ASCC1: variants seen among roughly 807,000 people sequenced by gnomAD.
ASCC1 encodes the protein ASC-1 complex subunit P50.
In ASCC1, 35 loss-of-function variants were observed where a neutral mutation model predicts 46.6. The observed-to-expected ratio is 0.75, with a 90% CI of 0.57 to 0.99. ASCC1 has a LOEUF of 0.99. Ranked by LOEUF, ASCC1 falls within the 50% of genes least tolerant of loss-of-function variation. The pLI is 0.00. For missense variants in ASCC1, 376 were observed against 428.7 expected (o/e 0.88, Z 1.09); for synonymous variants, 143 against 146.6 (o/e 0.98, Z 0.18).
intron 4 of ASCC1, among the ~76,000 whole-genome samples, chr10:72,202,889 A>G (rs1476982258): frequency 6.6e-6 from 1 of 152,180 alleles, no homozygotes. Flanking sequence ...TATTCCATCA[A>G]TGTATGGTAA....
At chr10:72,130,496 T>G (rs1046247257) in intron 8 of ASCC1, among the ~76,000 whole-genome samples, 1 of 152,084 alleles carries the variant, frequency 6.6e-6, no homozygotes, top group African/African-American at 2.4e-5. Flanking sequence ...TAACTGAATA[T>G]AAACCTGGAT....
intron 9 of ASCC1, 141 bp downstream of exon 9, chr10:72,127,941 T>C (rs916469620): frequency 4.2e-6 from 3 of 715,036 alleles, no homozygotes; most frequent in Admixed American, 2.4e-5. Flanking sequence ...TTTTCCTCTC[T>C]TTCCCTTTAG....
chr10:72,205,121 T>G (rs1443626562), intron 3 of ASCC1, among the ~76,000 whole-genome samples: 1 of 152,224 alleles, frequency 6.6e-6, no homozygotes, highest in Non-Finnish European at 1.5e-5. Context: ...TATGGTGAGC[T>G]ATGATCACAC....
chr10:72,110,229 T>C (rs1208732990), intron 9 of ASCC1, among the ~76,000 whole-genome samples: 6 of 152,166 alleles, frequency 3.9e-5, no homozygotes, highest in Non-Finnish European at 7.4e-5. Flanking sequence ...CTCAAACAAA[T>C]GCAACAGAAG....
At chr10:72,204,362 G>A in intron 3 of ASCC1, 1 of 1,547,886 alleles carries the variant, frequency 6.5e-7, no homozygotes. Flanking sequence ...GACGGGACAT[G>A]AGCTCACAAT....
At chr10:72,147,251 A>G (rs1847745448) in intron 7 of ASCC1, among the ~76,000 whole-genome samples, 1 of 151,856 alleles carries the variant, frequency 6.6e-6, no homozygotes, top group African/African-American at 2.4e-5. Context: ...TGGATATTTC[A>G]CAACACCTTT....
At chr10:72,184,227 A>G (rs943705095) in intron 5 of ASCC1, among the ~76,000 whole-genome samples, 1 of 151,628 alleles carries the variant, frequency 6.6e-6, no homozygotes, top group Non-Finnish European at 1.5e-5. Flanking sequence ...ACAAAAAAGA[A>G]CAAAGAAGAC....
chr10:72,164,136 G>T (rs1464955773), intron 5 of ASCC1, among the ~76,000 whole-genome samples: 5 of 151,664 alleles, frequency 3.3e-5, no homozygotes, highest in African/African-American at 9.7e-5. Context: ...CTAATTTTTT[G>T]ATTTTTTGTA....
chr10:72,166,577 A>T (rs1390474893), intron 5 of ASCC1, among the ~76,000 whole-genome samples: 4 of 152,308 alleles, frequency 2.6e-5, no homozygotes, highest in Non-Finnish European at 5.9e-5. Context: ...AAAGAAAAAA[A>T]AATGGATAAA....
intron 6 of ASCC1, 133 bp from the exon 7 acceptor site, chr10:72,153,121 T>A: frequency 8.4e-7 from 1 of 1,192,890 alleles, no homozygotes; most frequent in Non-Finnish European, 1.2e-6. Flanking sequence ...GTAGTTGTGT[T>A]TTTTCCTAAC....
intron 5 of ASCC1, among the ~76,000 whole-genome samples, chr10:72,196,200 T>C (rs1052717461): frequency 6.6e-6 from 1 of 152,020 alleles, no homozygotes; most frequent in African/African-American, 2.4e-5. Context: ...GATCTACAGA[T>C]AATGGCATCT....
intron 3 of ASCC1, among the ~76,000 whole-genome samples, chr10:72,206,461 A>C (rs1857231446): frequency 6.6e-6 from 1 of 152,190 alleles, no homozygotes; most frequent in Non-Finnish European, 1.5e-5. Flanking sequence ...CCTATTTGTC[A>C]TAAGGTTGTC....
chr10:72,193,763 A>AC (rs1213955053), intron 5 of ASCC1, among the ~76,000 whole-genome samples: 1 of 152,162 alleles, frequency 6.6e-6, no homozygotes, highest in East Asian at 1.9e-4. Flanking sequence ...TTAAAAAGTT[A>AC]AAGTCTTACC....
At chr10:72,138,755 A>G (rs1172619228) in intron 7 of ASCC1, among the ~76,000 whole-genome samples, 3 of 151,996 alleles carry the variant, frequency 2.0e-5, no homozygotes, top group Admixed American at 1.3e-4. Context: ...TGTTTTTAGC[A>G]GAGATGGGGT....
At chr10:72,152,138 G>A (rs569587020) in intron 7 of ASCC1, among the ~76,000 whole-genome samples, 288 of 149,814 alleles carry the variant, frequency 1.9e-3, no homozygotes, top group Middle Eastern at 0.011. Flanking sequence ...AACTACAGGC[G>A]CACACCATCA....
chr10:72,138,029 TA>T (rs1284803812), intron 7 of ASCC1, among the ~76,000 whole-genome samples: 1 of 152,170 alleles, frequency 6.6e-6, no homozygotes, highest in Non-Finnish European at 1.5e-5. Context: ...TGCCACCGGC[TA>T]ATTTTTGTAT....
At position 72,189,269 on chromosome 10, in the gene ASCC1, G is replaced by A. The variant is rs552037535; in HGVS notation, c.489+7542C>T. Among the ~76,000 whole-genome samples, 579 of 151,768 alleles carry A rather than the reference G, an allele frequency of 3.8e-3. 2 individuals are homozygous for A. Among genetic ancestry groups the A allele is most frequent in the African/African-American group, 0.013 (548 of 41,404 alleles). Reference sequence around the variant, plus strand: ...CAAAAAAAAAAAAAATTAGCCGGGCGGGGTGGCGGGCGCCTGTGGTCCCAG... The same window carrying A: ...CAAAAAAAAAAAAAATTAGCCGGGCAGGGTGGCGGGCGCCTGTGGTCCCAG... On this transcript the variant is annotated intron_variant, in intron 5 of 9. Coordinates refer to ENST00000672957, the MANE Select transcript of ASCC1 (RefSeq NM_001198800.3).
intron 5 of ASCC1, among the ~76,000 whole-genome samples, chr10:72,188,247 T>C (rs1234756576): frequency 6.6e-6 from 1 of 151,134 alleles, no homozygotes; most frequent in Non-Finnish European, 1.5e-5. Flanking sequence ...GCCTCCCAAG[T>C]AGTTGGGTTT....
At chr10:72,147,058 A>G (rs1258401527) in intron 7 of ASCC1, among the ~76,000 whole-genome samples, 1 of 150,600 alleles carries the variant, frequency 6.6e-6, no homozygotes, top group Non-Finnish European at 1.5e-5. Context: ...ATGAAATTAA[A>G]TAAGTGAATA....
Sources: gnomAD v4.1 joint callset for allele counts (sites outside exome capture counted in the v4.1 genomes callset) on GRCh38, gnomAD v4.1.1 for gene constraint, MANE v1.5 for transcripts, NCBI Gene and HGNC (gene_info 2026-07-23, HGNC 2026-07-21) for gene names.